MLLT3: variants seen among roughly 807,000 people sequenced by gnomAD.
The protein encoded by MLLT3 is MLLT3 super elongation complex subunit, also known as protein AF-9.
Under a neutral mutation model 53.2 loss-of-function variants are expected in MLLT3, and 4 were observed. The observed-to-expected ratio is 0.08, with a 90% CI of 0.04 to 0.17. The LOEUF is 0.17. MLLT3 is among the 10% of genes least tolerant of loss of function. MLLT3 has a pLI of 1.00. For synonymous variants in MLLT3, 283 were observed against 230.6 expected (o/e 1.23, Z -2.06); for missense variants, 569 against 684.0 (o/e 0.83, Z 1.87).
chr9:20,358,798 T>C (rs949248818), intron 8 of MLLT3, among the ~76,000 whole-genome samples: 2 of 152,096 alleles, frequency 1.3e-5, no homozygotes, highest in Non-Finnish European at 2.9e-5. Flanking sequence ...CCATGACGTA[T>C]TGTAGCTCTC....
intron 2 of MLLT3, among the ~76,000 whole-genome samples, chr9:20,590,158 G>T (rs145141110): frequency 5.9e-5 from 9 of 152,226 alleles, no homozygotes; most frequent in Non-Finnish European, 1.2e-4. Flanking sequence ...AACTTAGTAG[G>T]CTTCCAGAGC....
chr9:20,447,458 G>T (rs369601223), intron 4 of MLLT3, among the ~76,000 whole-genome samples: 1 of 152,154 alleles, frequency 6.6e-6, no homozygotes, highest in East Asian at 1.9e-4. Context: ...AATAGATTTT[G>T]ACCAATCAAT....
chr9:20,477,192 C>T (rs924277509), intron 2 of MLLT3, among the ~76,000 whole-genome samples: 1 of 152,124 alleles, frequency 6.6e-6, no homozygotes, highest in South Asian at 2.1e-4. Flanking sequence ...TTATTAAATT[C>T]TTCTATTTGC....
chr9:20,364,796 T>A (rs1195190161), intron 6 of MLLT3, among the ~76,000 whole-genome samples: 5 of 152,244 alleles, frequency 3.3e-5, no homozygotes, highest in Admixed American at 3.3e-4. Context: ...TAATGTTCAA[T>A]ACTATGCTAA....
At chr9:20,523,086 G>C (rs116518485) in intron 2 of MLLT3, among the ~76,000 whole-genome samples, 2,346 of 152,106 alleles carry the variant, frequency 0.015, 71 homozygotes, top group African/African-American at 0.054. Context: ...AATCACCAAA[G>C]AAGGTATACA....
In MLLT3 at chr9:20,470,737, G is replaced by C. The variant is rs578208730; in HGVS notation, c.194-13951C>G. Among the ~76,000 whole-genome samples the C allele has an allele frequency of 7.2e-5, 11 of 151,934 alleles. 3 individuals carry two copies. Among genetic ancestry groups the C allele is most frequent in the African/African-American group, 2.4e-4 (10 of 41,498 alleles). ...ACCCTAAACCAAAGGTACAAAGGAG[G>C]GTAGGGAGGGAGTAATAAACTGAAC... On this transcript the variant is annotated intron_variant, in intron 2 of 10. Coordinates refer to ENST00000380338, the MANE Select transcript of MLLT3 (RefSeq NM_004529.4).
At chr9:20,361,661 C>T (rs1280264102) in intron 7 of MLLT3, among the ~76,000 whole-genome samples, 1 of 152,146 alleles carries the variant, frequency 6.6e-6, no homozygotes, top group Non-Finnish European at 1.5e-5. Flanking sequence ...ACAATCCACA[C>T]CACCTCCTCC....
intron 5 of MLLT3, among the ~76,000 whole-genome samples, chr9:20,392,155 A>G (rs1822200072): frequency 6.6e-6 from 1 of 152,222 alleles, no homozygotes; most frequent in Admixed American, 6.5e-5. Flanking sequence ...GTTAATCAGA[A>G]CACTCTAAGA....
At chr9:20,372,609 T>C (rs56348907) in intron 5 of MLLT3, among the ~76,000 whole-genome samples, 19,285 of 140,918 alleles carry the variant, frequency 0.14, 3,146 homozygotes, top group African/African-American at 0.38. Flanking sequence ...GGGGTTTCAC[T>C]GTGTTAGCCA....
At position 20,620,551 on chromosome 9, in the gene MLLT3, G is replaced by T. The variant is rs1173428644; in HGVS notation, c.193+103C>A. Reference sequence around the variant, plus strand: ...ACCCGGATCCCGAGGCTACGCCGGCGAGCGCGGCGCGGGGGGCGGGGAGCG... The same window carrying T: ...ACCCGGATCCCGAGGCTACGCCGGCTAGCGCGGCGCGGGGGGCGGGGAGCG... On this transcript the variant is annotated intron_variant, in intron 2 of 10. Transcript: ENST00000380338. The surrounding 1 kb of genome is among the most constrained non-coding windows in gnomAD (Gnocchi z 6.1). 8.4e-6 allele frequency: 9 copies of T among 1,075,348 alleles called. No homozygotes were observed. The East Asian group carries it at 1.3e-4, about 16-fold the overall frequency. 66.6% of individuals were successfully genotyped at this position (1,075,348 alleles called of 1,614,324 possible).
intron 2 of MLLT3, among the ~76,000 whole-genome samples, chr9:20,483,223 C>A (rs1448881964): frequency 1.6e-5 from 2 of 126,098 alleles, no homozygotes; most frequent in African/African-American, 6.6e-5. Context: ...TATATTACTA[C>A]AAATTATTAT....
At chr9:20,489,861 G>T (rs976406810) in intron 2 of MLLT3, among the ~76,000 whole-genome samples, 1 of 152,116 alleles carries the variant, frequency 6.6e-6, no homozygotes, top group Admixed American at 6.5e-5. Context: ...TTTCCAAGCA[G>T]GTGCCAGAGA....
chr9:20,548,565 C>A (rs578044924), intron 2 of MLLT3, among the ~76,000 whole-genome samples: 5 of 152,220 alleles, frequency 3.3e-5, no homozygotes, highest in East Asian at 1.9e-4. Context: ...AAGGGTAAAA[C>A]CTGCTTACCC....
chr9:20,530,101 G>A (rs1818293771), intron 2 of MLLT3, among the ~76,000 whole-genome samples: 1 of 151,990 alleles, frequency 6.6e-6, no homozygotes, highest in South Asian at 2.1e-4. Flanking sequence ...TCAACAGTTG[G>A]GCATAAATGT....
chr9:20,584,035 C>T (rs561956511), intron 2 of MLLT3, among the ~76,000 whole-genome samples: 1 of 152,274 alleles, frequency 6.6e-6, no homozygotes, highest in African/African-American at 2.4e-5. Context: ...AAACTAAATG[C>T]TTTTAACAGC....
chr9:20,565,984 TTATTTATATATTTATTTATATATATA>T (rs1563820664), intron 2 of MLLT3, among the ~76,000 whole-genome samples: 1 of 100,230 alleles, frequency 1.0e-5, no homozygotes, highest in African/African-American at 4.3e-5. Flanking sequence ...ATATATATAT[TTATTTATATATTTATTTATATATATA>T]TTTTTATATA....
intron 5 of MLLT3, among the ~76,000 whole-genome samples, chr9:20,385,032 TAGACTC>T (rs1347192664): frequency 1.3e-5 from 2 of 152,154 alleles, no homozygotes; most frequent in Non-Finnish European, 2.9e-5. Context: ...AAGTTACCTC[TAGACTC>T]AGACTGAAAA....
At chr9:20,545,553 T>C (rs1818764761) in intron 2 of MLLT3, among the ~76,000 whole-genome samples, 1 of 152,196 alleles carries the variant, frequency 6.6e-6, no homozygotes, top group Non-Finnish European at 1.5e-5. Context: ...GGGTGAGTTT[T>C]ATGTTATGTG....
intron 2 of MLLT3, among the ~76,000 whole-genome samples, chr9:20,578,729 TG>T (rs1378961698): frequency 6.6e-6 from 1 of 152,056 alleles, no homozygotes; most frequent in Non-Finnish European, 1.5e-5. Context: ...AGAAAACCCT[TG>T]AACATTATAT....
Sources: gnomAD v4.1 joint callset for allele counts (sites outside exome capture counted in the v4.1 genomes callset) on GRCh38, gnomAD v4.1.1 for gene constraint, Gnocchi (gnomAD v3.1) non-coding constraint, MANE v1.5 for transcripts, NCBI Gene and HGNC (gene_info 2026-07-23, HGNC 2026-07-21) for gene names.